HRH1: variants seen among roughly 807,000 people sequenced by gnomAD.
The protein encoded by HRH1 is histamine receptor H1, also known as histamine H1 receptor.
HRH1 carries 6 observed loss-of-function variants against 10.3 expected under a neutral mutation model. The observed-to-expected ratio is 0.58, with a 90% CI of 0.32 to 1.15. The LOEUF is 1.15. HRH1 is among the 50% of genes most tolerant of loss of function. HRH1 has a pLI of 0.05. For missense variants in HRH1, 514 were observed against 615.3 expected, an observed-to-expected ratio of 0.84 and a Z score of 1.74; for synonymous variants, 242 against 236.7, an observed-to-expected ratio of 1.02 and a Z score of -0.21.
chr3:11,140,687 G>C (rs1936275751), intron 1 of HRH1, among the ~76,000 whole-genome samples: 1 of 152,068 alleles, frequency 6.6e-6, no homozygotes, highest in Non-Finnish European at 1.5e-5. Flanking sequence ...CCAGTTACTG[G>C]GTTTTACCTG....
At chr3:11,230,346 T>C (rs1203917242) in intron 1 of HRH1, among the ~76,000 whole-genome samples, 1 of 152,230 alleles carries the variant, frequency 6.6e-6, no homozygotes, top group Non-Finnish European at 1.5e-5. Context: ...AGCTTGCTGC[T>C]GGATCCCAAA....
chr3:11,167,180 G>T (rs1482477420), intron 1 of HRH1, among the ~76,000 whole-genome samples: 3 of 129,784 alleles, frequency 2.3e-5, no homozygotes, highest in African/African-American at 8.9e-5. Flanking sequence ...CTGTCCCCTG[G>T]CCTCTCCAGG....
intron 1 of HRH1, among the ~76,000 whole-genome samples, chr3:11,156,277 G>C (rs1936791788): frequency 6.6e-6 from 1 of 152,188 alleles, no homozygotes; most frequent in Non-Finnish European, 1.5e-5. Context: ...GAGATGGACA[G>C]GTGCTGCCTG....
chr3:11,257,325 G>A (rs568946574), intron 1 of HRH1, among the ~76,000 whole-genome samples: 3 of 151,250 alleles, frequency 2.0e-5, no homozygotes, highest in East Asian at 2.0e-4. Flanking sequence ...GGAGTCCAGC[G>A]TGGGTGGATC....
chr3:11,174,632 T>G (rs1333695242), intron 1 of HRH1, among the ~76,000 whole-genome samples: 1 of 152,218 alleles, frequency 6.6e-6, no homozygotes, highest in African/African-American at 2.4e-5. Flanking sequence ...CACTCCAAAG[T>G]TCATATGCCA....
At chr3:11,156,403 T>TC (rs945302575) in intron 1 of HRH1, among the ~76,000 whole-genome samples, 1 of 152,082 alleles carries the variant, frequency 6.6e-6, no homozygotes, top group Non-Finnish European at 1.5e-5. Context: ...CAGCTGAGTG[T>TC]CCAAGGGAGG....
intron 1 of HRH1, among the ~76,000 whole-genome samples, chr3:11,205,283 T>C (rs1037599812): frequency 3.3e-4 from 50 of 152,160 alleles, no homozygotes; most frequent in African/African-American, 9.2e-4. Context: ...TGTGATCCCC[T>C]GTGTGTAGAT....
intron 1 of HRH1, among the ~76,000 whole-genome samples, chr3:11,164,136 G>C (rs893736807): frequency 1.3e-5 from 2 of 152,238 alleles, no homozygotes; most frequent in African/African-American, 2.4e-5. Context: ...CATGGAGGGA[G>C]AACAGCCAGG....
rs539702094 is a variant in HRH1, at chr3:11,181,615, A to T, written c.-36+27061A>T. Reference sequence around the variant, plus strand: ...ATCTTCTTTGAAGAAATATCTATTCAGATCCCTTGCTCTTTTTTTTTTTTT... The same window carrying T: ...ATCTTCTTTGAAGAAATATCTATTCTGATCCCTTGCTCTTTTTTTTTTTTT... On this transcript the variant is annotated intron_variant, in intron 1 of 1. Coordinates refer to ENST00000431010, the MANE Select transcript of HRH1 (RefSeq NM_001098212.2). Among the ~76,000 whole-genome samples the T allele has an allele frequency of 3.6e-3, 530 of 146,808 alleles. 4 individuals carry two copies. Among genetic ancestry groups the T allele is most frequent in the Non-Finnish European group, 6.3e-3 (426 of 67,088 alleles).
At chr3:11,151,509 T>C (rs113760989), upstream of HRH1, among the ~76,000 whole-genome samples, 1 of 83,278 alleles carries the variant, frequency 1.2e-5, no homozygotes, top group Non-Finnish European at 2.1e-5. Context: ...GGGGGGGCGG[T>C]GGTGGTGGGT....
upstream of HRH1, among the ~76,000 whole-genome samples, chr3:11,152,406 G>C (rs562033403): frequency 3.9e-4 from 59 of 152,226 alleles, no homozygotes; most frequent in African/African-American, 1.4e-3. Flanking sequence ...CTTACCAGGG[G>C]CTTGAAATCA....
chr3:11,148,194 A>AAAAG (rs1936503585), intron 1 of HRH1, among the ~76,000 whole-genome samples: 1 of 151,628 alleles, frequency 6.6e-6, no homozygotes, highest in African/African-American at 2.4e-5. Flanking sequence ...AAAAAAAAAA[A>AAAAG]AAAAGAAAAG....
chr3:11,169,943 A>G (rs1484332484), intron 1 of HRH1, among the ~76,000 whole-genome samples: 2 of 152,084 alleles, frequency 1.3e-5, no homozygotes, highest in South Asian at 4.1e-4. Context: ...CCTCTGGGAC[A>G]CTGTCCCGCA....
At chr3:11,239,166 A>C (rs1939268545) in intron 1 of HRH1, among the ~76,000 whole-genome samples, 1 of 152,202 alleles carries the variant, frequency 6.6e-6, no homozygotes, top group African/African-American at 2.4e-5. Context: ...CATCTTCACC[A>C]ACACTTGTTA....
intron 1 of HRH1, among the ~76,000 whole-genome samples, chr3:11,220,699 A>G (rs1321900187): frequency 1.3e-5 from 2 of 152,168 alleles, no homozygotes; most frequent in Non-Finnish European, 2.9e-5. Context: ...GCTGCGCTGA[A>G]CTTAAAGAAC....
At chr3:11,163,313 C>A (rs1487533384) in intron 1 of HRH1, among the ~76,000 whole-genome samples, 1 of 152,142 alleles carries the variant, frequency 6.6e-6, no homozygotes, top group East Asian at 1.9e-4. Context: ...CACTTTCCTG[C>A]TTAAAATCCA....
chr3:11,191,755 C>T (rs1416655946), intron 1 of HRH1, among the ~76,000 whole-genome samples: 1 of 152,216 alleles, frequency 6.6e-6, no homozygotes, highest in East Asian at 1.9e-4. Flanking sequence ...GGTTTCCTCA[C>T]AAGAGCACAG....
rs116910111 is a variant in HRH1 at position 11,167,125 on chromosome 3, C to T, written c.-36+12571C>T. Among the ~76,000 whole-genome samples, 8 of 146,668 alleles carry T rather than the reference C, an allele frequency of 5.5e-5. No homozygotes were observed. The East Asian group carries it at 8.5e-4, about 16-fold the overall frequency. On this transcript the variant is annotated intron_variant, in intron 1 of 1. Transcript: ENST00000431010. ...TGCTGTTCCCTGGATTCCCCAGGCC[C>T]GTGACATCTGCTGTCCCCTGTATTC...
chr3:11,215,229 G>T (rs1300520958), intron 1 of HRH1, among the ~76,000 whole-genome samples: 7 of 152,154 alleles, frequency 4.6e-5, no homozygotes, highest in Non-Finnish European at 8.8e-5. Flanking sequence ...ATTTGACTTT[G>T]CTCCCATGGA....
Sources: allele counts gnomAD v4.1 joint callset (sites outside exome capture counted in the v4.1 genomes callset), GRCh38; gene constraint gnomAD v4.1.1; transcripts MANE v1.5; gene names NCBI Gene and HGNC (gene_info 2026-07-23, HGNC 2026-07-21).